CADM2: variants seen among roughly 807,000 people sequenced by gnomAD.
The protein encoded by CADM2 is cell adhesion molecule 2, also known as immunoglobulin superfamily member 4D.
Under a neutral mutation model 49.8 loss-of-function variants are expected in CADM2, and 12 were observed. The ratio of observed to expected loss-of-function variants is 0.24; its 90% CI spans 0.15 to 0.39. The LOEUF is 0.39. Among genes scored for constraint, CADM2 ranks in the 10% least tolerant of loss-of-function variants. The probability of loss-of-function intolerance (pLI) is 1.00; values close to 1 mark genes in which losing one functional copy is unlikely to be tolerated. For missense variants in CADM2, 378 were observed against 492.3 expected (o/e 0.77, Z 2.20); for synonymous variants, 214 against 175.4 (o/e 1.22, Z -1.74).
At chr3:85,674,455 C>A (rs1043482513) in intron 1 of CADM2, among the ~76,000 whole-genome samples, 1 of 152,102 alleles carries the variant, frequency 6.6e-6, no homozygotes, top group South Asian at 2.1e-4. Flanking sequence ...TCTAAGGTAT[C>A]TTGCAAAGAA....
At chr3:85,011,624 A>G (rs953699850) in intron 1 of CADM2, among the ~76,000 whole-genome samples, 2 of 152,188 alleles carry the variant, frequency 1.3e-5, no homozygotes, top group African/African-American at 4.8e-5. Flanking sequence ...CTTTTATCAA[A>G]AGAAGAGGGA....
intron 1 of CADM2, among the ~76,000 whole-genome samples, chr3:85,123,713 A>G (rs1299617170): frequency 6.6e-6 from 1 of 152,158 alleles, no homozygotes; most frequent in Non-Finnish European, 1.5e-5. Context: ...ACACACATAC[A>G]CATACACATA....
intron 3 of CADM2, among the ~76,000 whole-genome samples, chr3:85,826,732 A>G (rs1212507790): frequency 6.6e-6 from 1 of 151,988 alleles, no homozygotes; most frequent in East Asian, 1.9e-4. Context: ...TGGCAGACAG[A>G]TATTCTCAGT....
At chr3:85,248,714 A>C (rs1242413560) in intron 1 of CADM2, among the ~76,000 whole-genome samples, 1 of 152,216 alleles carries the variant, frequency 6.6e-6, no homozygotes, top group African/African-American at 2.4e-5. Context: ...GATAGGTGAA[A>C]AAATATTTAA....
chr3:85,703,904 G>A (rs754302170), intron 1 of CADM2, among the ~76,000 whole-genome samples: 1 of 152,146 alleles, frequency 6.6e-6, no homozygotes, highest in Non-Finnish European at 1.5e-5. Context: ...CTTTCAAAAT[G>A]TACTGAAGTG....
At chr3:85,608,412 G>A (rs2063593067) in intron 1 of CADM2, among the ~76,000 whole-genome samples, 1 of 152,044 alleles carries the variant, frequency 6.6e-6, no homozygotes, top group Non-Finnish European at 1.5e-5. Flanking sequence ...TAGTCACACT[G>A]CAAAAGGCTT....
intron 1 of CADM2, among the ~76,000 whole-genome samples, chr3:85,600,788 TTA>T (rs1459150686): frequency 6.6e-6 from 1 of 151,598 alleles, no homozygotes; most frequent in Non-Finnish European, 1.5e-5. Context: ...ACTTACTCTA[TTA>T]ATACAGATTA....
At chr3:85,391,210 A>G (rs1366659936) in intron 1 of CADM2, among the ~76,000 whole-genome samples, 1 of 152,020 alleles carries the variant, frequency 6.6e-6, no homozygotes, top group Non-Finnish European at 1.5e-5. Flanking sequence ...GTAATTCTAG[A>G]TCTTAATGCA....
At chr3:84,979,801 CT>C (rs994533231) in intron 1 of CADM2, among the ~76,000 whole-genome samples, 1 of 151,666 alleles carries the variant, frequency 6.6e-6, no homozygotes, top group Non-Finnish European at 1.5e-5. Context: ...TGGTGAAATG[CT>C]TTTTTTGATG....
At chr3:85,071,182 A>C (rs1378811413) in intron 1 of CADM2, among the ~76,000 whole-genome samples, 1 of 152,006 alleles carries the variant, frequency 6.6e-6, no homozygotes, top group Non-Finnish European at 1.5e-5. Context: ...TGATTATTTA[A>C]AAGTAAAGTA....
rs879619300 is a variant in CADM2 at position 85,430,892 on chromosome 3, G to C, written c.62-295630G>C. Among the ~76,000 whole-genome samples, 6 of 152,230 alleles carry C rather than the reference G, an allele frequency of 3.9e-5. No individual in the cohort carries two copies. The East Asian group carries it at 1.2e-3, about 29-fold the overall frequency. Reference sequence around the variant, plus strand: ...ATTTGGCCTATTAAAGGAGCAGAAGGTACTAACTAAGACTAGGTGATGCTT... The same window carrying C: ...ATTTGGCCTATTAAAGGAGCAGAAGCTACTAACTAAGACTAGGTGATGCTT... On this transcript the variant is annotated intron_variant, in intron 1 of 9. Coordinates refer to ENST00000383699, the MANE Select transcript of CADM2 (RefSeq NM_001167675.2).
At chr3:85,416,112 A>C (rs2035908598) in intron 1 of CADM2, among the ~76,000 whole-genome samples, 1 of 152,140 alleles carries the variant, frequency 6.6e-6, no homozygotes. Flanking sequence ...TAAAATAGCT[A>C]GATGAACCTT....
chr3:85,930,693 A>G (rs1183689266), intron 6 of CADM2, among the ~76,000 whole-genome samples: 1 of 152,034 alleles, frequency 6.6e-6, no homozygotes, highest in Non-Finnish European at 1.5e-5. Context: ...TCACAAATAA[A>G]TGAGAACATG....
chr3:86,033,183 C>T lies in CADM2; in HGVS notation c.971-32422C>T, dbSNP rs558915771. Among the ~76,000 whole-genome samples the T allele has an allele frequency of 2.0e-5, 3 of 151,944 alleles. No homozygotes were observed. The South Asian group carries it at 6.2e-4, about 32-fold the overall frequency. ...GTTGAAGACAGACCTACACACCACTCCACAGGACCACCTCACTCATCACAG... is the reference window on the plus strand; with the variant it reads ...GTTGAAGACAGACCTACACACCACTTCACAGGACCACCTCACTCATCACAG... On this transcript the variant is annotated intron_variant, in intron 8 of 9. Coordinates refer to ENST00000383699, the MANE Select transcript of CADM2 (RefSeq NM_001167675.2).
intron 1 of CADM2, among the ~76,000 whole-genome samples, chr3:85,215,357 TTAA>T (rs997033359): frequency 3.5e-5 from 4 of 114,376 alleles, no homozygotes; most frequent in African/African-American, 1.4e-4. Flanking sequence ...TCTCTCTTTT[TTAA>T]AAAAAAAAAA....
chr3:85,154,806 T>C (rs2040050155), intron 1 of CADM2, among the ~76,000 whole-genome samples: 1 of 146,600 alleles, frequency 6.8e-6, no homozygotes, highest in East Asian at 2.0e-4. Flanking sequence ...AAGAAAAGAA[T>C]TTTCAACCCA....
intron 1 of CADM2, among the ~76,000 whole-genome samples, chr3:85,336,981 TATATATATATTTA>T (rs1559786582): frequency 1.1e-4 from 2 of 18,100 alleles, no homozygotes; most frequent in African/African-American, 1.8e-4. Context: ...ATATATTTAA[TATATATATATTTA>T]ATATATATTA....
At chr3:85,970,418 C>G (rs1725976719) in intron 8 of CADM2, among the ~76,000 whole-genome samples, 1 of 151,386 alleles carries the variant, frequency 6.6e-6, no homozygotes, top group Non-Finnish European at 1.5e-5. Context: ...TTATTCTTAA[C>G]ATTATTTAGT....
intron 1 of CADM2, among the ~76,000 whole-genome samples, chr3:85,535,920 GCTGTAGA>G (rs1559893763): frequency 1.3e-5 from 2 of 152,084 alleles, no homozygotes; most frequent in African/African-American, 4.8e-5. Flanking sequence ...AGTATTTTAG[GCTGTAGA>G]CTTGTGTCTG....
Sources: gnomAD v4.1 joint callset for allele counts (sites outside exome capture counted in the v4.1 genomes callset) on GRCh38, gnomAD v4.1.1 for gene constraint, MANE v1.5 for transcripts, NCBI Gene and HGNC (gene_info 2026-07-23, HGNC 2026-07-21) for gene names.